TOX3: variants seen among roughly 807,000 people sequenced by gnomAD.
TOX3 encodes the protein CAG trinucleotide repeat-containing gene F9 protein.
In TOX3, 22 loss-of-function variants were observed where a neutral mutation model predicts 64.3. The observed-to-expected ratio is 0.34, with a 90% CI of 0.24 to 0.49. The LOEUF (loss-of-function observed/expected upper bound fraction) is 0.49. TOX3 is among the 20% of genes least tolerant of loss of function. TOX3 has a pLI of 0.99. For missense variants in TOX3, 661 were observed against 714.4 expected (o/e 0.93, Z 0.85); for synonymous variants, 291 against 273.6 (o/e 1.06, Z -0.63).
At chr16:52,490,839 G>C (rs1249860630) in intron 1 of TOX3, among the ~76,000 whole-genome samples, 1 of 151,614 alleles carries the variant, frequency 6.6e-6, no homozygotes, top group African/African-American at 2.4e-5. Flanking sequence ...ATGTTGCCCA[G>C]GCTGGTCTCA....
In TOX3 at chr16:52,527,001, C is replaced by T. The variant is rs550003724; in HGVS notation, c.87+19636G>A. Among the ~76,000 whole-genome samples the T allele has an allele frequency of 4.6e-5, 7 of 152,200 alleles. No homozygotes were observed. In the East Asian group the frequency reaches 9.7e-4, roughly 21 times the overall value. ...CACTAAACACATAGCAGCGAACAAACGAAACACAGCGGTCACTACTGTCTG... is the reference window on the plus strand; with the variant it reads ...CACTAAACACATAGCAGCGAACAAATGAAACACAGCGGTCACTACTGTCTG... On this transcript the variant is annotated intron_variant, in intron 1 of 6. Transcript: ENST00000219746.
At chr16:52,526,244 T>C (rs747501605) in intron 1 of TOX3, among the ~76,000 whole-genome samples, 5 of 152,228 alleles carry the variant, frequency 3.3e-5, no homozygotes, top group Non-Finnish European at 7.4e-5. Context: ...CAGGGAGAAA[T>C]GAGTTGCAGA....
At chr16:52,459,917 A>C (rs1960637749) in intron 3 of TOX3, among the ~76,000 whole-genome samples, 2 of 152,194 alleles carry the variant, frequency 1.3e-5, no homozygotes, top group African/African-American at 2.4e-5. Flanking sequence ...ATAATAAAAA[A>C]AACTTCTAAA....
chr16:52,442,883 CTACCTGGAAGTATT>C (rs895284590), intron 6 of TOX3, among the ~76,000 whole-genome samples: 1 of 151,992 alleles, frequency 6.6e-6, no homozygotes, highest in African/African-American at 2.4e-5. Flanking sequence ...TCATTGAATT[CTACCTGGAAGTATT>C]TCTGAATCCT....
intron 1 of TOX3, among the ~76,000 whole-genome samples, chr16:52,542,283 A>G (rs560829759): frequency 6.6e-6 from 1 of 152,358 alleles, no homozygotes; most frequent in African/African-American, 2.4e-5. Flanking sequence ...TGGGAGCAGA[A>G]CTGTCCACAT....
At chr16:52,458,269 A>T (rs1414356309) in intron 3 of TOX3, among the ~76,000 whole-genome samples, 6 of 152,248 alleles carry the variant, frequency 3.9e-5, no homozygotes, top group African/African-American at 1.2e-4. Flanking sequence ...CACCAAACAG[A>T]CCCAAGGAGC....
At chr16:52,453,384 A>T (rs1198853188) in intron 3 of TOX3, among the ~76,000 whole-genome samples, 1 of 151,990 alleles carries the variant, frequency 6.6e-6, no homozygotes, top group African/African-American at 2.4e-5. Flanking sequence ...GGGTTTCACC[A>T]TGTTGGTCAG....
chr16:52,479,745 T>C (rs1243265693), intron 1 of TOX3, among the ~76,000 whole-genome samples: 1 of 152,186 alleles, frequency 6.6e-6, no homozygotes, highest in Non-Finnish European at 1.5e-5. Flanking sequence ...CTTCTATTAC[T>C]AGCAGTATCC....
Position 52,546,843 on chromosome 16 carries a change from G to C in TOX3, c.-120C>G, listed in dbSNP as rs148595037. ...CCGGGGGTGGCGCGTGGGACTCGCG[G>C]CCGGAGGGGCGCCGGGACCCAGAGC... On this transcript the variant is annotated 5_prime_UTR_variant, in exon 1 of 7. Coordinates refer to ENST00000219746, the MANE Select transcript of TOX3 (RefSeq NM_001080430.4). 1.6e-6 allele frequency: 2 copies of C among 1,237,680 alleles called. No homozygotes were observed. The highest frequency in any genetic ancestry group is 3.2e-5 in the African/African-American group (2 of 63,430). 76.7% of individuals were successfully genotyped at this position (1,237,680 alleles called of 1,614,324 possible). A position where few individuals can be genotyped will look rare whatever the true frequency, so the allele number is the denominator to read the frequency against.
Position 52,450,202 on chromosome 16 carries a change from A to C in TOX3, c.678+75T>G. The C allele has an allele frequency of 1.9e-6, 3 of 1,548,596 alleles. No homozygotes were observed. In the South Asian group the frequency reaches 3.5e-5, roughly 18 times the overall value. On this transcript the variant is annotated intron_variant, in intron 4 of 6. Transcript: ENST00000219746. ...CCATGAAGACAAACAAGATAACACC[A>C]TGAATGAAATTCAAACAGCATGGGG... is the stretch of plus-strand genomic sequence containing the variant.
At chr16:52,527,867 C>T (rs1350268747) in intron 1 of TOX3, among the ~76,000 whole-genome samples, 2 of 152,138 alleles carry the variant, frequency 1.3e-5, no homozygotes, top group Non-Finnish European at 2.9e-5. Flanking sequence ...GGCTCTGAAC[C>T]AGGGGACGTT....
At chr16:52,486,634 A>G (rs974618042) in intron 1 of TOX3, among the ~76,000 whole-genome samples, 2 of 152,182 alleles carry the variant, frequency 1.3e-5, no homozygotes, top group Non-Finnish European at 2.9e-5. Flanking sequence ...AGAATTATAG[A>G]TATAAAGAAA....
At chr16:52,442,304 A>T (rs1960021296) in intron 6 of TOX3, among the ~76,000 whole-genome samples, 1 of 152,152 alleles carries the variant, frequency 6.6e-6, no homozygotes, top group Non-Finnish European at 1.5e-5. Flanking sequence ...TGTGCATATG[A>T]TGCAACCCTA....
Position 52,437,308 on chromosome 16 carries a change from T to C in TOX3, c.*1917A>G, listed in dbSNP as rs1959778187. 3 of 152,212 alleles carry C rather than the reference T, an allele frequency of 2.0e-5. No homozygotes were observed. Among genetic ancestry groups the C allele is most frequent in the South Asian group, 2.1e-4 (1 of 4,830 alleles). The allele number at this position is 152,212 out of a possible 1,614,324, so 9.4% of individuals were successfully genotyped here. On this transcript the variant is annotated 3_prime_UTR_variant, in exon 7 of 7. Coordinates refer to ENST00000219746, the MANE Select transcript of TOX3 (RefSeq NM_001080430.4). The stretch of plus-strand genomic sequence containing the variant: ...AATTCATTATTCATAACCCACAACA[T>C]ACAGTAAATAATCTCTGAAATACAA...
intron 6 of TOX3, among the ~76,000 whole-genome samples, chr16:52,441,228 T>C (rs1165378569): frequency 1.3e-5 from 2 of 152,236 alleles, no homozygotes; most frequent in African/African-American, 4.8e-5. Flanking sequence ...TTGAAAGCCC[T>C]GTGTTGTGTG....
chr16:52,479,699 A>G (rs917196437), intron 1 of TOX3, among the ~76,000 whole-genome samples: 3 of 152,186 alleles, frequency 2.0e-5, no homozygotes, highest in African/African-American at 7.2e-5. Flanking sequence ...TAGAATTGAA[A>G]AGACCCCTTC....
At chr16:52,463,382 C>A (rs545163487) in intron 3 of TOX3, among the ~76,000 whole-genome samples, 5 of 152,222 alleles carry the variant, frequency 3.3e-5, no homozygotes, top group Admixed American at 3.3e-4. Flanking sequence ...GTGCCTTAAT[C>A]GATGTTTATG....
chr16:52,475,100 A>C (rs1432140510), intron 1 of TOX3, among the ~76,000 whole-genome samples: 1 of 151,654 alleles, frequency 6.6e-6, no homozygotes, highest in East Asian at 1.9e-4. Flanking sequence ...CACCTCCAAC[A>C]CTCTCTATCC....
intron 5 of TOX3, 60 bp downstream of exon 5, chr16:52,445,934 A>G: frequency 6.8e-7 from 1 of 1,476,950 alleles, no homozygotes. Flanking sequence ...AAAAGGTGTG[A>G]GGAATATTTT....
Sources: gnomAD v4.1 joint callset for allele counts (sites outside exome capture counted in the v4.1 genomes callset) on GRCh38, gnomAD v4.1.1 for gene constraint, MANE v1.5 for transcripts, NCBI Gene and HGNC (gene_info 2026-07-23, HGNC 2026-07-21) for gene names.